Variants in PDZD7 observed in about 807,000 individuals in gnomAD.
PDZD7 encodes the protein PDZ domain-containing protein 7.
PDZD7 carries 72 observed loss-of-function variants against 84.7 expected under a neutral mutation model. The observed-to-expected ratio is 0.85, with a 90% CI of 0.70 to 1.03. PDZD7 has a LOEUF of 1.03. Among genes scored for constraint, PDZD7 ranks in the 50% least tolerant of loss-of-function variants. PDZD7 has a pLI of 0.00. For missense variants in PDZD7, 1,490 were observed against 1,412.9 expected (o/e 1.05, Z -0.87); for synonymous variants, 594 against 580.7 (o/e 1.02, Z -0.33).
In PDZD7 at chr10:101,019,110, G is replaced by T. The variant is rs778954172; in HGVS notation, c.1036C>A (p.Arg346Ser). The T allele has an allele frequency of 3.2e-6, 5 of 1,555,450 alleles. No homozygotes were observed. In the African/African-American group the frequency reaches 5.4e-5, roughly 17 times the overall value. The change falls in exon 8 of 17, where the codon CGC (arginine) becomes AGC (serine). Residue 346 changes from arginine to serine, a missense_variant. Coordinates refer to ENST00000619208, the MANE Select transcript of PDZD7 (RefSeq NM_001195263.2). The stretch of plus-strand genomic sequence containing the variant: ...TCCTGCCCGAGGCAGATGTCCATGC[G>T]GTCCGACGGCAGGGAGCCCGAGCTG... ...PYSSGSLPSD[R>S]MDICLGQEEP...
chr10:101,013,887 G>T (rs1208260386), intron 11 of PDZD7, among the ~76,000 whole-genome samples: 2 of 135,686 alleles, frequency 1.5e-5, no homozygotes, highest in Non-Finnish European at 3.1e-5. Flanking sequence ...TTTCGCTCTT[G>T]TTCTCAGGTT....
chr10:101,023,982 A>G lies in PDZD7; in HGVS notation c.313T>C (p.Ser105Pro). The G allele has an allele frequency of 6.2e-7, 1 of 1,614,224 alleles. No individual in the cohort carries two copies. Among genetic ancestry groups the G allele is most frequent in the Non-Finnish European group, 8.5e-7 (1 of 1,180,040 alleles). The change falls in exon 3 of 17, where the codon TCA becomes CCA. Residue 105 changes from serine (S) to proline (P), a missense_variant. Transcript: ENST00000619208. ...GRLGFSVRGG[S>P]EHGLGIFVSK... Reference sequence around the variant, plus strand: ...ACGAAGATGCCCAGGCCATGCTCTGAGCCCCCGCGCACGCTGAAGCCCAGC... The same window carrying G: ...ACGAAGATGCCCAGGCCATGCTCTGGGCCCCCGCGCACGCTGAAGCCCAGC...
chr10:101,019,846 G>C (rs1409274531), intron 7 of PDZD7, among the ~76,000 whole-genome samples: 1 of 150,910 alleles, frequency 6.6e-6, no homozygotes, highest in African/African-American at 2.4e-5. Flanking sequence ...GGCTGGTCTC[G>C]AGCACCTGAC....
rs1460604773 is a variant in PDZD7 at position 101,015,646 on chromosome 10, T to C, written c.1739A>G (p.His580Arg). Residue 580 changes from histidine to arginine, a missense_variant, in exon 11 of 17, where the codon CAC becomes CGC. Coordinates refer to ENST00000619208, the MANE Select transcript of PDZD7 (RefSeq NM_001195263.2). ...TDDEVLAVTRHCSRYVHEGGI... is the reference protein window; with the variant it reads ...TDDEVLAVTRRCSRYVHEGGI... ...GGGATGAAGGCTTACCCGGGAGCAG[T>C]GGCGGGTGACAGCCAGCACCTCGTC... 1.9e-6 allele frequency: 3 copies of C among 1,547,870 alleles called. No homozygotes were observed. The South Asian group carries it at 3.6e-5, about 18-fold the overall frequency.
chr10:101,023,331 G>A (rs1369507987), intron 4 of PDZD7, 105 bp downstream of exon 4: 15 of 1,401,822 alleles, frequency 1.1e-5, no homozygotes, highest in East Asian at 7.0e-5. Context: ...CTGAGCCAGC[G>A]AGCAGGAGGA....
At chr10:101,015,508 G>A (rs1852579024) in intron 11 of PDZD7, 128 bp downstream of exon 11, 12 of 1,087,876 alleles carry the variant, frequency 1.1e-5, no homozygotes, top group Non-Finnish European at 1.5e-5. Flanking sequence ...AGTGACTTCT[G>A]ATTTTACTGA....
Position 101,023,611 on chromosome 10 carries a change from C to G in PDZD7, c.368-1G>C. On this transcript the variant is annotated splice_acceptor_variant, in intron 3 of 16. Transcript: ENST00000619208. LOFTEE classifies it high-confidence loss of function. ...TCCCCCACGCACAGGCCAGCCCGCT[C>G]TGCACCACAGGATGGGAGTGGCTGG... is the stretch of plus-strand genomic sequence containing the variant. 1.2e-6 allele frequency: 2 copies of G among 1,611,408 alleles called. No homozygotes were observed. The highest frequency in any genetic ancestry group is 1.1e-5 in the South Asian group (1 of 91,078).
At position 101,023,964 on chromosome 10, in the gene PDZD7, T is replaced by A; in HGVS notation, c.331A>T (p.Ile111Phe). ...VRGGSEHGLG[I>F]FVSKVEEGSS... is the part of the protein sequence containing the mutation. The stretch of plus-strand genomic sequence containing the variant: ...CCTTCCTCCACTTTGCTGACGAAGA[T>A]GCCCAGGCCATGCTCTGAGCCCCCG... Residue 111 changes from isoleucine to phenylalanine, a missense_variant, in exon 3 of 17, where the codon ATC (isoleucine) becomes TTC (phenylalanine). Physicochemically the swap from Ile to Phe is conservative, Grantham distance 21. Transcript: ENST00000619208. 1 of 1,614,266 alleles carries A rather than the reference T, an allele frequency of 6.2e-7. No individual in the cohort carries two copies. The highest frequency in any genetic ancestry group is 8.5e-7 in the Non-Finnish European group (1 of 1,180,048).
chr10:101,009,311 G>T lies in PDZD7; in HGVS notation c.2657C>A (p.Pro886His), dbSNP rs946874480. ...ISGGIESKVQ[P>H]MVKIEKIFPG... Reference sequence around the variant, plus strand: ...GAAGATCTTCTCTATCTTCACCATGGGCTGCACCTTGGACTCAATGCCCCC... The same window carrying T: ...GAAGATCTTCTCTATCTTCACCATGTGCTGCACCTTGGACTCAATGCCCCC... The change falls in exon 16 of 17, where the codon CCC becomes CAC. Residue 886 changes from proline to histidine, a missense_variant. Transcript: ENST00000619208. 1 of 1,535,978 alleles carries T rather than the reference G, an allele frequency of 6.5e-7. No homozygotes were observed. The highest frequency in any genetic ancestry group is 8.7e-7 in the Non-Finnish European group (1 of 1,146,852).
chr10:101,022,177 T>C, intron 5 of PDZD7, 32 bp downstream of exon 5: 1 of 1,613,410 alleles, frequency 6.2e-7, no homozygotes, highest in Non-Finnish European at 8.5e-7. Flanking sequence ...TTCTCAGTTC[T>C]ACCCGAAGAC....
rs1938049422 is a variant in PDZD7 at position 101,030,323 on chromosome 10, T to G, written c.-104A>C. 2.0e-6 allele frequency: 2 copies of G among 1,022,472 alleles called. No individual in the cohort carries two copies. The highest frequency in any genetic ancestry group is 3.0e-6 in the Non-Finnish European group (2 of 677,598). The allele number at this position is 1,022,472 out of a possible 1,614,324, so 63.3% of individuals were successfully genotyped here. On this transcript the variant is annotated 5_prime_UTR_variant, in exon 2 of 17. Transcript: ENST00000619208. ...AGCTCCATGAGCCTCTGTGCGGGGC[T>G]GGGGTCTCAGTAACGTGAAGGCCCT...
rs567834734 is a variant in PDZD7 at position 101,024,138 on chromosome 10, C to T, written c.227-70G>A. ...CACAGAGGGCCCCTGGGTTCCCCAA[C>T]TTGGGGCCTGCAAAGGCTAGGTTGC... is the stretch of plus-strand genomic sequence containing the variant. On this transcript the variant is annotated intron_variant, in intron 2 of 16. Coordinates refer to ENST00000619208, the MANE Select transcript of PDZD7 (RefSeq NM_001195263.2). 389 of 1,611,884 alleles carry T rather than the reference C, an allele frequency of 2.4e-4. 2 individuals carry two copies. The African/African-American group carries it at 4.7e-3, about 19-fold the overall frequency.
chr10:101,018,705 G>T, intron 8 of PDZD7, 117 bp downstream of exon 8: 1 of 1,337,604 alleles, frequency 7.5e-7, no homozygotes, highest in Non-Finnish European at 9.9e-7. Flanking sequence ...AGCTTGGGTT[G>T]GGCAAGGGCT....
rs532826484 is a variant in PDZD7 at position 101,010,665 on chromosome 10, C to T, written c.2224G>A (p.Ala742Thr). 231 of 1,510,426 alleles carry T rather than the reference C, an allele frequency of 1.5e-4. 3 individuals carry two copies. In the East Asian group the frequency reaches 5.6e-3, roughly 37 times the overall value. The allele number at this position is 1,510,426 out of a possible 1,614,324, so 93.6% of individuals were successfully genotyped here. Residue 742 changes from alanine (A) to threonine (T), a missense_variant, in exon 15 of 17, where the codon GCT becomes ACT. Transcript: ENST00000619208. ...CAGTTAGGCCGCAGGGGCCGGGGAG[C>T]CACGGGGGGTAGCTGGGGAGGGGGT... ...CTPPPQLPPV[A>T]PRPLRPNWLL...
Position 101,012,013 on chromosome 10 carries a change from A to G in PDZD7, c.1845T>C (p.Ser615=), listed in dbSNP as rs1852410106. 6.5e-7 allele frequency: 1 copy of G among 1,549,860 alleles called. No individual in the cohort carries two copies. The highest frequency in any genetic ancestry group is 8.7e-7 in the Non-Finnish European group (1 of 1,146,666). ...GGCCCAGGTCTGTGGGGGCCACCAC[A>G]CTCCTGGGAGAGGGCGAGAGACAGC... ...EKLLLLQDIR[S]VVAPTDLGRF... is the part of the protein sequence containing the mutation. The change falls in exon 13 of 17, where the codon AGT becomes AGC. Residue 615 remains serine (S), a synonymous_variant. Coordinates refer to ENST00000619208, the MANE Select transcript of PDZD7 (RefSeq NM_001195263.2).
intron 15 of PDZD7, among the ~76,000 whole-genome samples, chr10:101,010,046 C>T (rs1852342086): frequency 6.6e-6 from 1 of 152,214 alleles, no homozygotes; most frequent in African/African-American, 2.4e-5. Context: ...GCGCCCACCA[C>T]CACACACGGC....
At chr10:101,013,908 G>T (rs1333958414) in intron 11 of PDZD7, among the ~76,000 whole-genome samples, 2 of 146,316 alleles carry the variant, frequency 1.4e-5, no homozygotes, top group Non-Finnish European at 3.0e-5. Context: ...GGAGTGCAAT[G>T]GCACGATCTT....
intron 9 of PDZD7, chr10:101,017,626 A>T: frequency 1.4e-6 from 1 of 701,626 alleles, no homozygotes; most frequent in Non-Finnish European, 2.6e-6. Context: ...CTACAAAAAG[A>T]TGCAAAAAAA....
At chr10:101,013,508 G>A (rs906020359) in intron 11 of PDZD7, among the ~76,000 whole-genome samples, 2 of 152,208 alleles carry the variant, frequency 1.3e-5, no homozygotes, top group African/African-American at 2.4e-5. Context: ...GAAGATAGAC[G>A]TAGGGAACAG....
Sources: allele counts gnomAD v4.1 joint callset (sites outside exome capture counted in the v4.1 genomes callset), GRCh38; gene constraint gnomAD v4.1.1; transcripts MANE v1.5; gene names NCBI Gene and HGNC (gene_info 2026-07-23, HGNC 2026-07-21).